ITPR1: variants seen among roughly 807,000 people sequenced by gnomAD.
ITPR1 encodes inositol 1,4,5-trisphosphate receptor type 1, also known as inositol 1,4,5-trisphosphate-gated calcium channel ITPR1.
Under a neutral mutation model 318.4 loss-of-function variants are expected in ITPR1, and 96 were observed. The observed-to-expected ratio is 0.30, with a 90% CI of 0.26 to 0.36. ITPR1 has a LOEUF of 0.36. Among genes scored for constraint, ITPR1 ranks in the 10% least tolerant of loss-of-function variants. The pLI is 1.00. For synonymous variants in ITPR1, 1,312 were observed against 1,289.9 expected (o/e 1.02, Z -0.37); for missense variants, 2,440 against 3,460.2 (o/e 0.71, Z 7.40).
intron 14 of ITPR1, 106 bp from the exon 15 acceptor site, chr3:4,661,976 C>T (rs563379419): frequency 2.2e-6 from 2 of 915,476 alleles, no homozygotes; most frequent in East Asian, 5.0e-5. Flanking sequence ...TGCAAGATAG[C>T]TCTAGTATCT....
intron 36 of ITPR1, among the ~76,000 whole-genome samples, chr3:4,704,518 A>T (rs1268904707): frequency 1.3e-5 from 2 of 152,228 alleles, no homozygotes; most frequent in Non-Finnish European, 2.9e-5. Context: ...TTCTGCAGCA[A>T]ACCTGCACGG....
intron 49 of ITPR1, among the ~76,000 whole-genome samples, chr3:4,780,950 GAACA>G (rs1331278375): frequency 1.3e-5 from 2 of 152,236 alleles, no homozygotes; most frequent in Non-Finnish European, 2.9e-5. Flanking sequence ...GGTGGTTGGA[GAACA>G]TCATTCTGGC....
chr3:4,695,579 G>A (rs2125252817), intron 33 of ITPR1, among the ~76,000 whole-genome samples: 1 of 152,224 alleles, frequency 6.6e-6, no homozygotes, highest in Non-Finnish European at 1.5e-5. Context: ...GTCTCCTGAG[G>A]GTAACCACAA....
chr3:4,844,576 G>A (rs1275274086), intron 61 of ITPR1, among the ~76,000 whole-genome samples: 2 of 152,248 alleles, frequency 1.3e-5, no homozygotes, highest in African/African-American at 2.4e-5. Context: ...GTAGTAAGAT[G>A]AATGAATTAC....
chr3:4,836,528 C>T (rs2050929337), intron 60 of ITPR1, among the ~76,000 whole-genome samples: 1 of 152,024 alleles, frequency 6.6e-6, no homozygotes, highest in Admixed American at 6.5e-5. Context: ...TTGTTTAGAA[C>T]CTATATTTCC....
At chr3:4,835,846 C>G (rs750219219) in intron 60 of ITPR1, among the ~76,000 whole-genome samples, 4 of 152,150 alleles carry the variant, frequency 2.6e-5, no homozygotes, top group African/African-American at 7.2e-5. Flanking sequence ...GTGAGAAATA[C>G]TGTTTACAGG....
chr3:4,516,430 A>G, intron 2 of ITPR1, 46 bp from the exon 3 acceptor site: 1 of 1,068,862 alleles, frequency 9.4e-7, no homozygotes, highest in Non-Finnish European at 1.4e-6. Flanking sequence ...TCCCCTTCTG[A>G]ACATTTCTTT....
chr3:4,497,204 G>A (rs2080656516), intron 2 of ITPR1, among the ~76,000 whole-genome samples: 1 of 152,192 alleles, frequency 6.6e-6, no homozygotes, highest in East Asian at 1.9e-4. Flanking sequence ...TGAGATGATT[G>A]CTAATGAGAA....
chr3:4,653,993 G>T, intron 12 of ITPR1, 107 bp downstream of exon 12: 1 of 769,712 alleles, frequency 1.3e-6, no homozygotes. Flanking sequence ...GCTGGGGAAG[G>T]AGGAACCTTA....
At chr3:4,696,219 A>T (rs977808842) in intron 33 of ITPR1, among the ~76,000 whole-genome samples, 1 of 152,156 alleles carries the variant, frequency 6.6e-6, no homozygotes, top group Non-Finnish European at 1.5e-5. Context: ...TAGTTACTGA[A>T]TATTTTCATC....
chr3:4,569,585 C>T (rs1457283541), intron 4 of ITPR1, among the ~76,000 whole-genome samples: 2 of 152,120 alleles, frequency 1.3e-5, no homozygotes, highest in African/African-American at 2.4e-5. Context: ...TTAGAAATGC[C>T]TTTTACTTTC....
At chr3:4,657,509 C>G (rs916257152) in intron 12 of ITPR1, among the ~76,000 whole-genome samples, 21 of 146,868 alleles carry the variant, frequency 1.4e-4, no homozygotes, top group Non-Finnish European at 2.8e-4. Flanking sequence ...ACTCTGTCGT[C>G]TAGGCTGAAA....
At chr3:4,650,605 T>TTGTGTGTGTGTGTGTGTGTG (rs752768399) in intron 10 of ITPR1, among the ~76,000 whole-genome samples, 16 of 133,200 alleles carry the variant, frequency 1.2e-4, no homozygotes, top group East Asian at 2.3e-4. Flanking sequence ...TGATATGCCT[T>TTGTGTGTGTGTGTGTGTGTG]AGTGTGTGTG....
chr3:4,571,266 C>T (rs1478251456), intron 4 of ITPR1, among the ~76,000 whole-genome samples: 1 of 152,188 alleles, frequency 6.6e-6, no homozygotes, highest in Non-Finnish European at 1.5e-5. Flanking sequence ...CAGTTCACTA[C>T]ATAAGATTTA....
chr3:4,845,990 G>A, intron 61 of ITPR1, 149 bp from the exon 62 acceptor site: 1 of 466,946 alleles, frequency 2.1e-6, no homozygotes, highest in Non-Finnish European at 3.9e-6. Context: ...TTTTTGAAGT[G>A]CTGTGTGTTT....
intron 44 of ITPR1, among the ~76,000 whole-genome samples, chr3:4,764,000 C>T (rs1395232166): frequency 6.6e-6 from 1 of 152,246 alleles, no homozygotes; most frequent in Non-Finnish European, 1.5e-5. Flanking sequence ...CATGAGAACA[C>T]AGCTGGGATA....
intron 21 of ITPR1, 100 bp downstream of exon 21, chr3:4,673,487 GT>G (rs1464943149): frequency 2.4e-6 from 3 of 1,226,694 alleles, no homozygotes; most frequent in East Asian, 2.6e-5. Context: ...TGAAGTGTTG[GT>G]TTTTTCTTCA....
At chr3:4,559,623 T>C (rs1415841574) in intron 4 of ITPR1, among the ~76,000 whole-genome samples, 4 of 152,214 alleles carry the variant, frequency 2.6e-5, no homozygotes, top group African/African-American at 9.6e-5. Flanking sequence ...TGGACATGCC[T>C]GCCAAAGCAT....
intron 44 of ITPR1, among the ~76,000 whole-genome samples, chr3:4,764,168 C>A (rs554191335): frequency 3.9e-5 from 6 of 152,132 alleles, no homozygotes; most frequent in Non-Finnish European, 7.3e-5. Flanking sequence ...ATTCTTTGCC[C>A]CCATGATTTT....
Sources: gnomAD v4.1 joint callset for allele counts (sites outside exome capture counted in the v4.1 genomes callset) on GRCh38, gnomAD v4.1.1 for gene constraint, MANE v1.5 for transcripts, NCBI Gene and HGNC (gene_info 2026-07-23, HGNC 2026-07-21) for gene names.